Variants in IL31RA observed in about 807,000 individuals in gnomAD.
IL31RA encodes interleukin 31 receptor A.
Under a neutral mutation model 83.7 loss-of-function variants are expected in IL31RA, and 66 were observed. The observed-to-expected ratio is 0.79, with a 90% CI of 0.65 to 0.97. The LOEUF (loss-of-function observed/expected upper bound fraction) is 0.97, where lower values mean the gene tolerates loss of function less well. IL31RA is among the 50% of genes least tolerant of loss of function. The probability of loss-of-function intolerance (pLI) is 0.00; values close to 1 mark genes in which losing one functional copy is unlikely to be tolerated. For synonymous variants in IL31RA, 325 were observed against 329.0 expected, an observed-to-expected ratio of 0.99 and a Z score of 0.13; for missense variants, 798 against 919.4, an observed-to-expected ratio of 0.87 and a Z score of 1.71.
intron 4 of IL31RA, among the ~76,000 whole-genome samples, chr5:55,876,077 A>G (rs1332520835): frequency 6.6e-6 from 1 of 152,214 alleles, no homozygotes; most frequent in Non-Finnish European, 1.5e-5. Flanking sequence ...ATTTAAATTC[A>G]AGTGGATAGA....
intron 2 of IL31RA, among the ~76,000 whole-genome samples, chr5:55,861,332 C>A (rs1319103587): frequency 6.6e-6 from 1 of 152,112 alleles, no homozygotes; most frequent in East Asian, 1.9e-4. Context: ...AGGAACTGGG[C>A]CACACAGCAG....
intron 7 of IL31RA, 113 bp from the exon 8 acceptor site, chr5:55,899,803 T>C: frequency 1.4e-6 from 1 of 739,510 alleles, no homozygotes; most frequent in Non-Finnish European, 2.5e-6. Context: ...GATTGTAGTT[T>C]AGTATCTAAT....
chr5:55,916,879 G>A lies in IL31RA; in HGVS notation c.2054G>A (p.Ser685Asn), dbSNP rs747156991. The A allele has an allele frequency of 1.4e-5, 22 of 1,614,154 alleles. No individual in the cohort carries two copies. In the South Asian group the frequency reaches 1.9e-4, roughly 14 times the overall value. ...PFRPDCPLGK[S>N]FEELPVSPEI... ...AGGCCTGATTGTCCCCTGGGGAAAA[G>A]TTTTGAGGAGCTCCCAGTTTCACCT... Residue 685 changes from serine to asparagine, a missense_variant, in exon 15 of 15, where the codon AGT becomes AAT. Coordinates refer to ENST00000652347, the MANE Select transcript of IL31RA (RefSeq NM_139017.7).
rs757858747 is a variant in IL31RA at position 55,872,333 on chromosome 5, G to A, written c.336G>A (p.Ser112=). The A allele has an allele frequency of 5.0e-6, 8 of 1,613,150 alleles. No homozygotes were observed. The highest frequency in any genetic ancestry group is 6.8e-6 in the Non-Finnish European group (8 of 1,179,318). ...GTTCTACAAGTGAAAATCGTGCTTC[G>A]TGCTCTTTTTTCCTTCCAAGAATAA... ...TNSSTSENRA[S]CSFFLPRITI... is the part of the protein sequence containing the mutation. The change falls in exon 4 of 15, where the codon TCG becomes TCA. Residue 112 remains serine (S), a synonymous_variant. Coordinates refer to ENST00000652347, the MANE Select transcript of IL31RA (RefSeq NM_139017.7).
chr5:55,855,243 C>T (rs943549638), intron 1 of IL31RA, among the ~76,000 whole-genome samples: 2 of 151,888 alleles, frequency 1.3e-5, no homozygotes, highest in Admixed American at 1.3e-4. Context: ...CTCCTGGGCC[C>T]AAGCATTGTC....
the IL31RA span, among the ~76,000 whole-genome samples, chr5:55,843,804 G>A: frequency 2.0e-5 from 3 of 152,202 alleles, no homozygotes; most frequent in East Asian, 5.8e-4. Context: ...CTTTTGATTA[G>A]TGTTAGCATG....
intron 11 of IL31RA, chr5:55,908,762 C>T (rs557629927): frequency 1.4e-6 from 2 of 1,430,012 alleles, no homozygotes; most frequent in South Asian, 3.1e-5. Context: ...CAGACCCTGT[C>T]ACCATGACTT....
In IL31RA at chr5:55,920,608, G is replaced by T. The variant is rs2112610749; in HGVS notation, c.*3488G>T. Among the ~76,000 whole-genome samples the T allele has an allele frequency of 6.6e-6, 1 of 152,284 alleles. No homozygotes were observed. The highest frequency in any genetic ancestry group is 3.4e-3 in the Middle Eastern group (1 of 294). On this transcript the variant is annotated 3_prime_UTR_variant, in exon 15 of 15. Coordinates refer to ENST00000652347, the MANE Select transcript of IL31RA (RefSeq NM_139017.7). ...ACAAAGCAGAAAACGTTTACTCTCT[G>T]ACCCTTTGCAGAAAAAATTTGTGGA...
In IL31RA at chr5:55,896,573, CCCTTCCCCCCA is replaced by C. The variant is rs1209840968; in HGVS notation, c.852+154_852+164del. The C allele has an allele frequency of 1.7e-5, 8 of 461,442 alleles. No individual in the cohort carries two copies. In the East Asian group the frequency reaches 2.8e-4, roughly 16 times the overall value. 28.6% of individuals were successfully genotyped at this position (461,442 alleles called of 1,614,324 possible). On this transcript the variant is annotated intron_variant, in intron 7 of 14. Transcript: ENST00000652347. Reference sequence around the variant, plus strand: ...TCCCTCCCCTCCCCTCCCCTCCCCTCCCTTCCCCCCACCTTCCCCCTCCCCTCCCTTCCCCC... The same window carrying C: ...TCCCTCCCCTCCCCTCCCCTCCCCTCCCTTCCCCCTCCCCTCCCTTCCCCC...
At chr5:55,907,077 C>G (rs1044014812) in intron 9 of IL31RA, among the ~76,000 whole-genome samples, 1 of 152,204 alleles carries the variant, frequency 6.6e-6, no homozygotes, top group Non-Finnish European at 1.5e-5. Flanking sequence ...TCCTATGGAT[C>G]TCTCTGCTGC....
At chr5:55,866,108 C>G (rs554920654) in intron 2 of IL31RA, among the ~76,000 whole-genome samples, 36 of 152,246 alleles carry the variant, frequency 2.4e-4, no homozygotes, top group Admixed American at 1.2e-3. Context: ...CAGGCCTGGT[C>G]CCGTCTCACA....
At chr5:55,906,811 T>A (rs189012259) in intron 9 of IL31RA, among the ~76,000 whole-genome samples, 2 of 152,286 alleles carry the variant, frequency 1.3e-5, no homozygotes, top group East Asian at 3.9e-4. Context: ...AAGGATGGAG[T>A]GCAGTGGCAC....
At chr5:55,840,380 A>C in the IL31RA span, among the ~76,000 whole-genome samples, 1 of 152,222 alleles carries the variant, frequency 6.6e-6, no homozygotes, top group South Asian at 2.1e-4. Context: ...ATGGAGTATC[A>C]AGGGGAGAGG....
intron 3 of IL31RA, among the ~76,000 whole-genome samples, chr5:55,871,926 G>T (rs558158351): frequency 6.6e-5 from 10 of 151,868 alleles, no homozygotes; most frequent in South Asian, 2.1e-4. Flanking sequence ...AAATTTTTAA[G>T]GCTAGAATCT....
At chr5:55,873,345 T>C (rs997889978) in intron 4 of IL31RA, among the ~76,000 whole-genome samples, 5 of 152,172 alleles carry the variant, frequency 3.3e-5, no homozygotes, top group Non-Finnish European at 7.4e-5. Flanking sequence ...CTTTTGATTA[T>C]TATGAATAAT....
At chr5:55,914,967 G>A (rs1229709422) in intron 14 of IL31RA, 39 bp downstream of exon 14, 1 of 1,467,616 alleles carries the variant, frequency 6.8e-7, no homozygotes, top group East Asian at 2.3e-5. Context: ...TCATTGCCGT[G>A]GGAGGTAGAC....
chr5:55,896,366 A>AATGTGGAGAGTC lies in IL31RA; in HGVS notation c.789_790insATGTGGAGAGTC (p.Glu263_Leu264insMetTrpArgVal), dbSNP rs770908862. 1.2e-6 allele frequency: 2 copies of AATGTGGAGAGTC among 1,612,828 alleles called. No individual in the cohort carries two copies. Among genetic ancestry groups the AATGTGGAGAGTC allele is most frequent in the South Asian group, 2.2e-5 (2 of 91,042 alleles). Reference sequence around the variant, plus strand: ...TCCTTACAGCTCCATGTGGCCTGGAACTGTGGAGAGTCCTGAAACCAGCTG... The same window carrying AATGTGGAGAGTC: ...TCCTTACAGCTCCATGTGGCCTGGAAATGTGGAGAGTCCTGTGGAGAGTCCTGAAACCAGCTG... On this transcript the variant is annotated inframe_insertion, in exon 7 of 15. Coordinates refer to ENST00000652347, the MANE Select transcript of IL31RA (RefSeq NM_139017.7).
chr5:55,873,636 G>T (rs904582145), intron 4 of IL31RA, among the ~76,000 whole-genome samples: 3 of 151,902 alleles, frequency 2.0e-5, no homozygotes, highest in African/African-American at 7.2e-5. Context: ...GTTCTGATTT[G>T]CATTTATCCA....
Position 55,919,475 on chromosome 5 carries a change from C to G in IL31RA, c.*2355C>G, listed in dbSNP as rs1749983363. On this transcript the variant is annotated 3_prime_UTR_variant, in exon 15 of 15. Transcript: ENST00000652347. ...GTCTTTTGCTGGACAATTTGCAAAT[C>G]CCCACCCAGCCCTTCCTGTTTCATT... Among the ~76,000 whole-genome samples the G allele has an allele frequency of 1.3e-5, 2 of 152,182 alleles. No individual in the cohort carries two copies. Among genetic ancestry groups the G allele is most frequent in the Admixed American group, 6.5e-5 (1 of 15,282 alleles).
Sources: gnomAD v4.1 joint callset for allele counts (sites outside exome capture counted in the v4.1 genomes callset) on GRCh38, gnomAD v4.1.1 for gene constraint, MANE v1.5 for transcripts, NCBI Gene and HGNC (gene_info 2026-07-23, HGNC 2026-07-21) for gene names.